The following ODAD3 variants were observed in gnomAD, a reference collection of about 807,000 sequenced individuals.
The protein encoded by ODAD3 is outer dynein arm docking complex subunit 3.
Under a neutral mutation model 70.9 loss-of-function variants are expected in ODAD3, and 57 were observed. The ratio of observed to expected loss-of-function variants is 0.80; its 90% confidence interval spans 0.65 to 1.00. The LOEUF (loss-of-function observed/expected upper bound fraction) is 1.00. Ranked by LOEUF, ODAD3 falls within the 50% of genes least tolerant of loss-of-function variation. ODAD3 has a pLI of 0.00. For missense variants in ODAD3, 797 were observed against 763.9 expected (o/e 1.04, Z -0.51); for synonymous variants, 327 against 315.9 (o/e 1.04, Z -0.37).
chr19:11,422,434 G>A lies in ODAD3; in HGVS notation c.1434+37C>T, dbSNP rs1969160240. The A allele has an allele frequency of 6.6e-7, 1 of 1,521,026 alleles. No individual in the cohort carries two copies. The highest frequency in any genetic ancestry group is 8.8e-7 in the Non-Finnish European group (1 of 1,131,886). The allele number at this position is 1,521,026 out of a possible 1,614,324, so 94.2% of individuals were successfully genotyped here. ...TCGTGGCTGCGCCTCTGCGGTCCCA[G>A]GAGGGCCTGTCGGGGCTTCCCCTGG... On this transcript the variant is annotated intron_variant, in intron 10 of 12. Transcript: ENST00000356392. The surrounding 1 kb of genome is among the most constrained non-coding windows in gnomAD (Gnocchi z 4.6).
intron 7 of ODAD3, among the ~76,000 whole-genome samples, chr19:11,425,876 G>C (rs992283949): frequency 6.6e-6 from 1 of 151,528 alleles, no homozygotes; most frequent in Admixed American, 6.6e-5. Flanking sequence ...AGGTGGGAAA[G>C]GATGGGTAGG....
intron 7 of ODAD3, 147 bp downstream of exon 7, chr19:11,425,997 G>A: frequency 1.8e-6 from 2 of 1,097,606 alleles, no homozygotes; most frequent in Non-Finnish European, 1.3e-6. Flanking sequence ...AGGGGTCTTC[G>A]CACCAAGTGG....
At chr19:11,425,180 T>G (rs963141990) in intron 7 of ODAD3, among the ~76,000 whole-genome samples, 6 of 138,430 alleles carry the variant, frequency 4.3e-5, no homozygotes, top group East Asian at 4.4e-4. Context: ...TATGTACATA[T>G]GTGTATATAT....
intron 1 of ODAD3, among the ~76,000 whole-genome samples, chr19:11,433,657 C>T (rs1257136774): frequency 1.3e-5 from 2 of 152,298 alleles, no homozygotes; most frequent in East Asian, 1.9e-4. Context: ...CCAGGTGCAG[C>T]GGCCCATGCC....
At chr19:11,433,301 C>A (rs1969539483) in intron 1 of ODAD3, among the ~76,000 whole-genome samples, 1 of 152,098 alleles carries the variant, frequency 6.6e-6, no homozygotes. Context: ...TCCATGCCAC[C>A]ATGCCCGGCT....
Position 11,420,676 on chromosome 19 carries a change from C to T in ODAD3, c.*159G>A, listed in dbSNP as rs1301675166. The T allele has an allele frequency of 6.4e-6, 4 of 622,510 alleles. No individual in the cohort carries two copies. Among genetic ancestry groups the T allele is most frequent in the Non-Finnish European group, 1.1e-5 (4 of 352,370 alleles). 38.6% of individuals were successfully genotyped at this position (622,510 alleles called of 1,614,324 possible). A position where few individuals can be genotyped will look rare whatever the true frequency, so the allele number is the denominator to read the frequency against. ...CAGCTGGGGAGATTTACTGTGGGAA[C>T]GTCTGGCCCGGCCCCTTCCTCCCCT... On this transcript the variant is annotated 3_prime_UTR_variant, in exon 13 of 13. Transcript: ENST00000356392.
chr19:11,435,716 A>C (rs979006476), upstream of ODAD3: 1 of 1,326,752 alleles, frequency 7.5e-7, no homozygotes, highest in Non-Finnish European at 9.9e-7. Flanking sequence ...TGTAGGTGTG[A>C]ACGAGCGGGT....
chr19:11,435,702 C>T, upstream of ODAD3: 2 of 1,317,674 alleles, frequency 1.5e-6, no homozygotes, highest in Non-Finnish European at 2.0e-6. Flanking sequence ...TTGCTCCGGC[C>T]TCGTGTAGGT....
At chr19:11,435,136 A>T (rs1368223600), upstream of ODAD3, 1 of 1,455,690 alleles carries the variant, frequency 6.9e-7, no homozygotes, top group Admixed American at 2.6e-5. Context: ...TCCGACCGCT[A>T]GGTGGTTGCG....
At position 11,425,023 on chromosome 19, in the gene ODAD3, A is replaced by C. The variant is rs577755281; in HGVS notation, c.964-994T>G. On this transcript the variant is annotated intron_variant, in intron 7 of 12. Transcript: ENST00000356392. Reference sequence around the variant, plus strand: ...TATATGTATATATGTGTATATATACATATGTGCATATATACATATGTGTAT... The same window carrying C: ...TATATGTATATATGTGTATATATACCTATGTGCATATATACATATGTGTAT... Among the ~76,000 whole-genome samples, 3 of 134,054 alleles carry C rather than the reference A, an allele frequency of 2.2e-5. 1 individual carries two copies. Among genetic ancestry groups the C allele is most frequent in the South Asian group, 4.5e-4 (2 of 4,464 alleles). 87.9% of individuals were successfully genotyped at this position (134,054 alleles called of 152,430 possible).
chr19:11,435,130 A>C (rs1599473820), upstream of ODAD3: 1 of 1,456,898 alleles, frequency 6.9e-7, no homozygotes, highest in African/African-American at 1.4e-5. Context: ...GCACTTTCCG[A>C]CCGCTAGGTG....
intron 7 of ODAD3, 132 bp from the exon 8 acceptor site, chr19:11,424,161 C>G: frequency 8.4e-7 from 1 of 1,192,674 alleles, no homozygotes; most frequent in Middle Eastern, 2.9e-4. Flanking sequence ...AGGGCAAAAG[C>G]TTGGGGCCAG....
chr19:11,431,942 CAAAAAAA>C (rs71164201), intron 1 of ODAD3, among the ~76,000 whole-genome samples: 2 of 64,062 alleles, frequency 3.1e-5, no homozygotes, highest in African/African-American at 1.3e-4. Context: ...GACTCTGCCT[CAAAAAAA>C]AAAAAAAAAA....
rs1426145141 is a variant in ODAD3, at chr19:11,426,837, AC to A, written c.612+35del. ...GCCCTCCGCACTCAATCCCTCCCAC[AC>A]GACCCTCTGCCCTGCAGGCCTCACC... On this transcript the variant is annotated intron_variant, in intron 4 of 12. Transcript: ENST00000356392. 3 of 1,612,482 alleles carry A rather than the reference AC, an allele frequency of 1.9e-6. No individual in the cohort carries two copies. In the African/African-American group the frequency reaches 4.0e-5, roughly 22 times the overall value.
intron 7 of ODAD3, 36 bp downstream of exon 7, chr19:11,426,108 C>A (rs1480759114): frequency 6.3e-7 from 1 of 1,593,102 alleles, no homozygotes; most frequent in Non-Finnish European, 8.5e-7. Flanking sequence ...CTGGGCTGGG[C>A]TGGAGTCACA....
At chr19:11,421,347 C>A in intron 11 of ODAD3, 135 bp from the exon 12 acceptor site, 1 of 823,250 alleles carries the variant, frequency 1.2e-6, no homozygotes. Context: ...ACTCCCATCC[C>A]TCCTTAAGCA....
Position 11,420,845 on chromosome 19 carries a change from C to A in ODAD3, c.1778G>T (p.Arg593Leu). Residue 593 changes from arginine (R) to leucine (L), a missense_variant, in exon 13 of 13, where the codon CGG (arginine) becomes CTG (leucine). By Grantham distance (102) the Arg-to-Leu change is moderately radical. Coordinates refer to ENST00000356392, the MANE Select transcript of ODAD3 (RefSeq NM_145045.5). ...GGTGTCAGGACGAGTCTAGGACCTC[C>A]GAGAGCGACGGTGCTTCTTGTGACT... ...IESHKKHRRS[R>L]RS The A allele has an allele frequency of 6.2e-7, 1 of 1,613,904 alleles. No homozygotes were observed.
rs1029538440 is a variant in ODAD3 at position 11,421,965 on chromosome 19, T to C, written c.1435-133A>G. 6.2e-6 allele frequency: 6 copies of C among 970,532 alleles called. No individual in the cohort carries two copies. The South Asian group carries it at 6.7e-5, about 11-fold the overall frequency. The allele number at this position is 970,532 out of a possible 1,614,324, so 60.1% of individuals were successfully genotyped here. On this transcript the variant is annotated intron_variant, in intron 10 of 12. Coordinates refer to ENST00000356392, the MANE Select transcript of ODAD3 (RefSeq NM_145045.5). ...CCACCTGCAGGGTCGATCCTAGCCA[T>C]TGGGGGCGGGGACTTAGGTCAAGGC...
At position 11,425,221 on chromosome 19, in the gene ODAD3, ATGTG is replaced by A. The variant is rs1555722328; in HGVS notation, c.963+919_963+922del. Among the ~76,000 whole-genome samples, 41 of 120,660 alleles carry A rather than the reference ATGTG, an allele frequency of 3.4e-4. 2 individuals are homozygous for A. The highest frequency in any genetic ancestry group is 1.7e-3 in the Admixed American group (23 of 13,250). 79.2% of individuals were successfully genotyped at this position (120,660 alleles called of 152,430 possible). A position where few individuals can be genotyped will look rare whatever the true frequency, so the allele number is the denominator to read the frequency against. On this transcript the variant is annotated intron_variant, in intron 7 of 12. Coordinates refer to ENST00000356392, the MANE Select transcript of ODAD3 (RefSeq NM_145045.5). ...TGTGTATGTGTACATATGTGTATAT[ATGTG>A]TGTATATGTACATATGTGTATATAT... is the stretch of plus-strand genomic sequence containing the variant.
Sources: gnomAD v4.1 joint callset for allele counts (sites outside exome capture counted in the v4.1 genomes callset) on GRCh38, gnomAD v4.1.1 for gene constraint, Gnocchi (gnomAD v3.1) non-coding constraint, MANE v1.5 for transcripts, NCBI Gene and HGNC (gene_info 2026-07-23, HGNC 2026-07-21) for gene names.